The following RANBP2 variants were observed in gnomAD, a reference collection of about 807,000 sequenced individuals.
The protein encoded by RANBP2 is E3 SUMO-protein ligase RanBP2.
RANBP2 carries 57 observed loss-of-function variants against 303.6 expected under a neutral mutation model. The ratio of observed to expected loss-of-function variants is 0.19; its 90% confidence interval spans 0.15 to 0.23. RANBP2 has a LOEUF of 0.23. Among genes scored for constraint, RANBP2 ranks in the 10% least tolerant of loss-of-function variants. The pLI, the probability that RANBP2 is intolerant of heterozygous loss-of-function variation, is 1.00. For missense variants in RANBP2, 3,138 were observed against 3,780.8 expected (o/e 0.83, Z 4.46); for synonymous variants, 1,167 against 1,301.5 (o/e 0.90, Z 2.23).
chr2:109,657,059 T>C, the RANBP2 span, among the ~76,000 whole-genome samples: 1 of 152,166 alleles, frequency 6.6e-6, no homozygotes, highest in South Asian at 2.1e-4. Flanking sequence ...TATGAAGTCA[T>C]TTCAGTCAAT....
chr2:109,346,555 G>T, the RANBP2 span, among the ~76,000 whole-genome samples: 1 of 152,122 alleles, frequency 6.6e-6, no homozygotes. Flanking sequence ...CTCTGGCAAA[G>T]CTCCCACAGT....
chr2:108,741,389 C>T (rs143066314), intron 7 of RANBP2, among the ~76,000 whole-genome samples: 6,901 of 146,282 alleles, frequency 0.047, 533 homozygotes, highest in African/African-American at 0.16. Flanking sequence ...ATAGAGATGG[C>T]GTTTCACCAT....
At chr2:108,872,520 A>G in the RANBP2 span, among the ~76,000 whole-genome samples, 1 of 152,162 alleles carries the variant, frequency 6.6e-6, no homozygotes, top group African/African-American at 2.4e-5. Flanking sequence ...TTATCCTACT[A>G]TAGCAGAATA....
the RANBP2 span, among the ~76,000 whole-genome samples, chr2:109,122,994 A>G: frequency 9.2e-5 from 14 of 152,300 alleles, no homozygotes; most frequent in Non-Finnish European, 1.6e-4. Context: ...GGTAACTTGC[A>G]CAGTGACGGT....
the RANBP2 span, among the ~76,000 whole-genome samples, chr2:109,361,015 C>T: frequency 6.6e-6 from 1 of 152,152 alleles, no homozygotes; most frequent in Non-Finnish European, 1.5e-5. Context: ...TTGTAGTTTA[C>T]TGAGAGTTTT....
chr2:109,202,485 C>T, the RANBP2 span, among the ~76,000 whole-genome samples: 9 of 152,328 alleles, frequency 5.9e-5, 1 homozygote, highest in East Asian at 9.6e-4. Flanking sequence ...GTCCCTGGGG[C>T]GCGTTCTTGT....
chr2:109,423,404 G>C, the RANBP2 span, among the ~76,000 whole-genome samples: 1 of 152,094 alleles, frequency 6.6e-6, no homozygotes, highest in Admixed American at 6.5e-5. Context: ...CCATTTGTGC[G>C]TGTGGTCAAA....
At chr2:109,276,170 A>G in the RANBP2 span, among the ~76,000 whole-genome samples, 138 of 152,350 alleles carry the variant, frequency 9.1e-4, no homozygotes, top group African/African-American at 3.3e-3. Context: ...CAGGCATTCA[A>G]CTTAAGACCT....
chr2:109,686,146 C>A, the RANBP2 span, among the ~76,000 whole-genome samples: 2 of 151,886 alleles, frequency 1.3e-5, no homozygotes, highest in African/African-American at 4.8e-5. Context: ...TCTTGGGGAG[C>A]ACTGGCAGTG....
At chr2:109,553,159 T>C in the RANBP2 span, 1 of 1,614,154 alleles carries the variant, frequency 6.2e-7, no homozygotes, top group Non-Finnish European at 8.5e-7. Flanking sequence ...TCATTTCTTC[T>C]TCCTTCCTCT....
the RANBP2 span, among the ~76,000 whole-genome samples, chr2:109,479,994 G>A: frequency 2.0e-5 from 3 of 152,152 alleles, no homozygotes; most frequent in African/African-American, 4.8e-5. Context: ...CTGAGGCCAC[G>A]CGTCATCACA....
the RANBP2 span, among the ~76,000 whole-genome samples, chr2:109,269,793 A>T: frequency 7.2e-5 from 11 of 152,108 alleles, no homozygotes; most frequent in African/African-American, 2.7e-4. Flanking sequence ...GGAACTGAAG[A>T]TAGTTACCAA....
the RANBP2 span, among the ~76,000 whole-genome samples, chr2:109,385,491 A>G: frequency 2.0e-5 from 3 of 152,230 alleles, no homozygotes; most frequent in Non-Finnish European, 2.9e-5. Flanking sequence ...TGAAAATACA[A>G]TTTGGAATAG....
the RANBP2 span, among the ~76,000 whole-genome samples, chr2:109,291,212 G>C: frequency 6.6e-6 from 1 of 152,008 alleles, no homozygotes; most frequent in Non-Finnish European, 1.5e-5. Context: ...ATGCTGTCAG[G>C]ATATTATGGA....
At chr2:108,772,690 T>C in intron 22 of RANBP2, 109 bp downstream of exon 22, 1 of 1,287,630 alleles carries the variant, frequency 7.8e-7, no homozygotes, top group South Asian at 1.3e-5. Flanking sequence ...ATGCCCATGG[T>C]GATTTAAAAA....
chr2:109,153,857 T>C, the RANBP2 span, among the ~76,000 whole-genome samples: 58 of 152,350 alleles, frequency 3.8e-4, no homozygotes, highest in Admixed American at 2.0e-3. Context: ...ACTCCTGGTC[T>C]CCCACTGCTC....
At chr2:108,821,228 C>T in the RANBP2 span, among the ~76,000 whole-genome samples, 2 of 151,974 alleles carry the variant, frequency 1.3e-5, no homozygotes, top group African/African-American at 4.8e-5. Context: ...CATGGTCATA[C>T]GTGCCTGTAA....
the RANBP2 span, among the ~76,000 whole-genome samples, chr2:108,853,426 T>C: frequency 6.6e-6 from 1 of 152,156 alleles, no homozygotes; most frequent in East Asian, 1.9e-4. Context: ...GTATTTTAAT[T>C]AATAAAACCT....
chr2:108,756,751 C>G (rs1461621838), intron 17 of RANBP2, among the ~76,000 whole-genome samples: 1 of 152,190 alleles, frequency 6.6e-6, no homozygotes, highest in Non-Finnish European at 1.5e-5. Context: ...CCAGTCACTT[C>G]CATTGTGACT....
Sources: gnomAD v4.1 joint callset for allele counts (sites outside exome capture counted in the v4.1 genomes callset) on GRCh38, gnomAD v4.1.1 for gene constraint, MANE v1.5 for transcripts, NCBI Gene and HGNC (gene_info 2026-07-23, HGNC 2026-07-21) for gene names.